TUBA8: variants seen among roughly 807,000 people sequenced by gnomAD.
TUBA8 encodes tubulin alpha 8, also known as tubulin alpha-8 chain.
TUBA8 carries 29 observed loss-of-function variants against 34.7 expected under a neutral mutation model. The observed-to-expected ratio is 0.84, with a 90% CI of 0.62 to 1.14. TUBA8 has a LOEUF of 1.14. Among genes scored for constraint, TUBA8 ranks in the 50% most tolerant of loss-of-function variants. The probability of loss-of-function intolerance (pLI) is 0.00; values close to 1 mark genes in which losing one functional copy is unlikely to be tolerated. For synonymous variants in TUBA8, 226 were observed against 231.2 expected (o/e 0.98, Z 0.21); for missense variants, 541 against 599.2 (o/e 0.90, Z 1.01).
chr22:18,125,207 C>T (rs1306076786), intron 3 of TUBA8: 1 of 152,066 alleles, frequency 6.6e-6, no homozygotes, highest in Non-Finnish European at 1.5e-5. Context: ...TCTATTGTCC[C>T]CATTTTCACT....
chr22:18,113,378 C>T (rs1168865545), intron 1 of TUBA8: 1 of 152,272 alleles, frequency 6.6e-6, no homozygotes, highest in Non-Finnish European at 1.5e-5. Flanking sequence ...GCACGCAGCT[C>T]TCTGGGAACT....
Position 18,131,001 on chromosome 22 carries a change from G to A in TUBA8, c.1215G>A (p.Val405=). ...FDLMYAKRAF[V]HWYVGEGMEE... is the part of the protein sequence containing the mutation. Reference sequence around the variant, plus strand: ...TCATGTACGCCAAGCGGGCCTTTGTGCATTGGTATGTGGGAGAGGGGATGG... The same window carrying A: ...TCATGTACGCCAAGCGGGCCTTTGTACATTGGTATGTGGGAGAGGGGATGG... The change falls in exon 5 of 5, where the codon GTG becomes GTA. Residue 405 remains valine, a synonymous_variant. Transcript: ENST00000330423. This position sits in a 1 kb window ranked among gnomAD's most constrained non-coding sequence, Gnocchi z 5.3. The A allele has an allele frequency of 6.2e-7, 1 of 1,614,178 alleles. No homozygotes were observed. Among genetic ancestry groups the A allele is most frequent in the Non-Finnish European group, 8.5e-7 (1 of 1,180,032 alleles).
chr22:18,121,533 T>G lies in TUBA8; in HGVS notation c.58T>G (p.Cys20Gly), dbSNP rs777963075. The change falls in exon 2 of 5, where the codon TGC becomes GGC. Residue 20 changes from cysteine to glycine, a missense_variant. Cys to Gly is a radical substitution (Grantham distance 159, BLOSUM62 -3). Transcript: ENST00000330423. This position sits in a 1 kb window ranked among gnomAD's most constrained non-coding sequence, Gnocchi z 4.8. ...GQAGVQIGNA[C>G]WELFCLEHGI... is the part of the protein sequence containing the mutation. ...AGCGGGAGTTCAGATTGGCAATGCC[T>G]GCTGGGAGCTCTTCTGCCTGGAACA... 1.9e-6 allele frequency: 3 copies of G among 1,614,230 alleles called. No homozygotes were observed. The highest frequency in any genetic ancestry group is 2.2e-5 in the South Asian group (2 of 91,088).
chr22:18,131,599 GC>G lies in TUBA8; in HGVS notation c.*464del. On this transcript the variant is annotated 3_prime_UTR_variant, in exon 5 of 5. Coordinates refer to ENST00000330423, the MANE Select transcript of TUBA8 (RefSeq NM_018943.3). The surrounding 1 kb of genome is among the most constrained non-coding windows in gnomAD (Gnocchi z 5.3). ...TCCGGGCATCATCTAGACTTAGCAT[GC>G]ATTCACTCCCCCATCACATATTCCA... is the stretch of plus-strand genomic sequence containing the variant. The G allele has an allele frequency of 1.8e-5, 4 of 221,092 alleles. No homozygotes were observed. Among genetic ancestry groups the G allele is most frequent in the South Asian group, 7.4e-5 (1 of 13,524 alleles). 13.7% of individuals were successfully genotyped at this position (221,092 alleles called of 1,614,324 possible).
chr22:18,118,463 C>A lies in TUBA8; in HGVS notation c.4-3016C>A, dbSNP rs1321205632. On this transcript the variant is annotated intron_variant, in intron 1 of 4. Transcript: ENST00000330423. This position sits in a 1 kb window ranked among gnomAD's most constrained non-coding sequence, Gnocchi z 4.0. ...GTTGTCTCATCTTAGGCAGCAGGAG[C>A]CTCTTCAGGTGCTTGGGCAGCCCCT... 1.3e-5 allele frequency: 2 copies of A among 152,148 alleles called. No homozygotes were observed. Among genetic ancestry groups the A allele is most frequent in the African/African-American group, 4.8e-5 (2 of 41,442 alleles). The allele number at this position is 152,148 out of a possible 1,614,324, so 9.4% of individuals were successfully genotyped here.
chr22:18,127,195 A>C, intron 4 of TUBA8, 161 bp downstream of exon 4: 4 of 726,206 alleles, frequency 5.5e-6, no homozygotes, highest in Non-Finnish European at 8.9e-6. Flanking sequence ...TGGTTGAGAC[A>C]CAAGTGCTGT....
In TUBA8 at chr22:18,126,478, T is replaced by A; in HGVS notation, c.500T>A (p.Leu167Gln). The A allele has an allele frequency of 6.2e-7, 1 of 1,614,108 alleles. No individual in the cohort carries two copies. The highest frequency in any genetic ancestry group is 8.5e-7 in the Non-Finnish European group (1 of 1,179,998). The part of the protein sequence containing the change: ...LSLDYGKKSK[L>Q]EFAIYPAPQV... ...CTGGATTATGGCAAGAAATCCAAGC[T>A]GGAGTTTGCCATCTACCCAGCCCCC... The change falls in exon 4 of 5, where the codon CTG (leucine) becomes CAG (glutamine). Residue 167 changes from leucine (L) to glutamine (Q), a missense_variant. Physicochemically the swap from Leu to Gln is moderately radical, Grantham distance 113 (BLOSUM62 -2). Transcript: ENST00000330423. The surrounding 1 kb of genome is among the most constrained non-coding windows in gnomAD (Gnocchi z 4.0).
intron 4 of TUBA8, 161 bp from the exon 5 acceptor site, chr22:18,130,682 C>T: frequency 1.1e-6 from 1 of 870,752 alleles, no homozygotes; most frequent in South Asian, 1.6e-5. Context: ...CACCTGCTGG[C>T]TTCCCCAGTC....
Position 18,126,784 on chromosome 22 carries a change from T to C in TUBA8, c.806T>C (p.Leu269Pro), listed in dbSNP as rs766382459. 3.7e-6 allele frequency: 6 copies of C among 1,614,066 alleles called. No individual in the cohort carries two copies. The East Asian group carries it at 1.1e-4, about 30-fold the overall frequency. Residue 269 changes from leucine to proline, a missense_variant, in exon 4 of 5, where the codon CTG becomes CCG. By Grantham distance (98) the Leu-to-Pro change is moderately conservative (BLOSUM62 -3). Coordinates refer to ENST00000330423, the MANE Select transcript of TUBA8 (RefSeq NM_018943.3). This position sits in a 1 kb window ranked among gnomAD's most constrained non-coding sequence, Gnocchi z 4.0. Reference sequence around the variant, plus strand: ...CCCTACCCCCGCATCCACTTCCCGCTGGTCACCTACGCGCCCATCATCTCT... The same window carrying C: ...CCCTACCCCCGCATCCACTTCCCGCCGGTCACCTACGCGCCCATCATCTCT... ...LVPYPRIHFPLVTYAPIISAE... is the reference protein window; with the variant it reads ...LVPYPRIHFPPVTYAPIISAE...
At chr22:18,116,817 C>T (rs990445482) in intron 1 of TUBA8, 2 of 152,232 alleles carry the variant, frequency 1.3e-5, no homozygotes, top group East Asian at 1.9e-4. Flanking sequence ...GCCGGGAGCT[C>T]GATGCGGGAG....
intron 1 of TUBA8, chr22:18,112,352 A>C (rs1927838622): frequency 6.6e-6 from 1 of 152,172 alleles, no homozygotes; most frequent in Non-Finnish European, 1.5e-5. Context: ...GTCTCACTTC[A>C]TTTATTCCCT....
rs1302279460 is a variant in TUBA8 at position 18,127,394 on chromosome 22, G to GTT, written c.1056+376_1056+377dup. The GTT allele has an allele frequency of 6.4e-3, 939 of 147,092 alleles. 2 individuals carry two copies. Among genetic ancestry groups the GTT allele is most frequent in the Middle Eastern group, 0.022 (7 of 316 alleles). 9.1% of individuals were successfully genotyped at this position (147,092 alleles called of 1,614,324 possible). A position where few individuals can be genotyped will look rare whatever the true frequency, so the allele number is the denominator to read the frequency against. ...GTTCAATTTGCCTAACGTTAGTTTT[G>GTT]TTTTTTTTTTTTTTTTTGAGACGGA... On this transcript the variant is annotated intron_variant, in intron 4 of 4. Coordinates refer to ENST00000330423, the MANE Select transcript of TUBA8 (RefSeq NM_018943.3).
chr22:18,130,695 A>T (rs768815153), intron 4 of TUBA8, 148 bp from the exon 5 acceptor site: 1 of 1,010,222 alleles, frequency 9.9e-7, no homozygotes, highest in Non-Finnish European at 1.5e-6. Context: ...CCCCAGTCCC[A>T]TCCCGCCTGT....
At chr22:18,127,424 C>T (rs1928364376) in intron 4 of TUBA8, 1 of 181,064 alleles carries the variant, frequency 5.5e-6, no homozygotes. Context: ...GACGGAGTCT[C>T]ACTCTGTCAC....
In TUBA8 at chr22:18,126,872, C is replaced by G; in HGVS notation, c.894C>G (p.Pro298=). 1 of 1,611,824 alleles carries G rather than the reference C, an allele frequency of 6.2e-7. No individual in the cohort carries two copies. Among genetic ancestry groups the G allele is most frequent in the Non-Finnish European group, 8.5e-7 (1 of 1,178,724 alleles). The change falls in exon 4 of 5, where the codon CCC becomes CCG. Residue 298 remains proline (P), a synonymous_variant. Coordinates refer to ENST00000330423, the MANE Select transcript of TUBA8 (RefSeq NM_018943.3). This position sits in a 1 kb window ranked among gnomAD's most constrained non-coding sequence, Gnocchi z 4.0. ...VAEITSSCFE[P]NSQMVKCDPR... is the part of the protein sequence containing the mutation. ...AGATAACCAGCTCCTGCTTTGAGCC[C>G]AACAGCCAGATGGTGAAGTGCGACC... is the stretch of plus-strand genomic sequence containing the variant.
rs1428720411 is a variant in TUBA8, at chr22:18,111,051, G to T, written c.3+183G>T. The T allele has an allele frequency of 3.5e-6, 3 of 852,158 alleles. No homozygotes were observed. Among genetic ancestry groups the T allele is most frequent in the African/African-American group, 3.4e-5 (2 of 59,346 alleles). The allele number at this position is 852,158 out of a possible 1,614,324, so 52.8% of individuals were successfully genotyped here. A position where few individuals can be genotyped will look rare whatever the true frequency, so the allele number is the denominator to read the frequency against. ...GCGGGAACACCCGGTGCCCTTTATC[G>T]TATGGGGGAAATAGAGACCAGGGGC... is the stretch of plus-strand genomic sequence containing the variant. On this transcript the variant is annotated intron_variant, in intron 1 of 4. Coordinates refer to ENST00000330423, the MANE Select transcript of TUBA8 (RefSeq NM_018943.3). This position sits in a 1 kb window ranked among gnomAD's most constrained non-coding sequence, Gnocchi z 5.1.
rs1450166033 is a variant in TUBA8 at position 18,118,275 on chromosome 22, C to G, written c.4-3204C>G. 6.6e-6 allele frequency: 1 copy of G among 152,218 alleles called. No individual in the cohort carries two copies. The highest frequency in any genetic ancestry group is 1.5e-5 in the Non-Finnish European group (1 of 68,046). 9.4% of individuals were successfully genotyped at this position (152,218 alleles called of 1,614,324 possible). A position where few individuals can be genotyped will look rare whatever the true frequency, so the allele number is the denominator to read the frequency against. Reference sequence around the variant, plus strand: ...CTATTATTCGGTCCACATTGCTTAGCAGACATTCTTCAATTAAAGAAAAAA... The same window carrying G: ...CTATTATTCGGTCCACATTGCTTAGGAGACATTCTTCAATTAAAGAAAAAA... On this transcript the variant is annotated intron_variant, in intron 1 of 4. Coordinates refer to ENST00000330423, the MANE Select transcript of TUBA8 (RefSeq NM_018943.3). The surrounding 1 kb of genome is among the most constrained non-coding windows in gnomAD (Gnocchi z 4.0).
Position 18,121,554 on chromosome 22 carries a change from G to A in TUBA8, c.79G>A (p.Glu27Lys). The part of the protein sequence containing the change: ...GNACWELFCL[E>K]HGIQADGTFD... Reference sequence around the variant, plus strand: ...TGCCTGCTGGGAGCTCTTCTGCCTGGAACACGGCATCCAGGCAGACGGCAC... The same window carrying A: ...TGCCTGCTGGGAGCTCTTCTGCCTGAAACACGGCATCCAGGCAGACGGCAC... The change falls in exon 2 of 5, where the codon GAA becomes AAA. Residue 27 changes from glutamate (E) to lysine (K), a missense_variant. Physicochemically the swap from Glu to Lys is moderately conservative, Grantham distance 56 (BLOSUM62 1). Transcript: ENST00000330423. The surrounding 1 kb of genome is among the most constrained non-coding windows in gnomAD (Gnocchi z 4.8). The A allele has an allele frequency of 6.2e-7, 1 of 1,614,202 alleles. No homozygotes were observed. The highest frequency in any genetic ancestry group is 8.5e-7 in the Non-Finnish European group (1 of 1,180,048).
chr22:18,130,767 A>G, intron 4 of TUBA8, 76 bp from the exon 5 acceptor site: 3 of 1,597,670 alleles, frequency 1.9e-6, no homozygotes, highest in Non-Finnish European at 2.6e-6. Flanking sequence ...CAAGTGACCA[A>G]GATGTCCCAT....
Sources: gnomAD v4.1 joint callset for allele counts on GRCh38, gnomAD v4.1.1 for gene constraint, Gnocchi (gnomAD v3.1) non-coding constraint, MANE v1.5 for transcripts, NCBI Gene and HGNC (gene_info 2026-07-23, HGNC 2026-07-21) for gene names.